The following DIP2C variants were observed in gnomAD, a reference collection of about 807,000 sequenced individuals.
DIP2C encodes DIP2 acetate--CoA ligase C (putative).
In DIP2C, 33 loss-of-function variants were observed where a neutral mutation model predicts 192.4. That is an observed-to-expected ratio of 0.17 (90% confidence interval 0.13 to 0.23). The LOEUF (loss-of-function observed/expected upper bound fraction) is 0.23, where lower values mean the gene tolerates loss of function less well. DIP2C is among the 10% of genes least tolerant of loss of function. The pLI is 1.00. For missense variants in DIP2C, 1,537 were observed against 2,110.1 expected, an observed-to-expected ratio of 0.73 and a Z score of 5.32; for synonymous variants, 979 against 864.1, an observed-to-expected ratio of 1.13 and a Z score of -2.33.
intron 1 of DIP2C, among the ~76,000 whole-genome samples, chr10:679,618 C>G (rs1278699459): frequency 6.8e-6 from 1 of 147,154 alleles, no homozygotes; most frequent in Non-Finnish European, 1.5e-5. Context: ...CCCATCTGTG[C>G]TCCCTATGCC....
intron 1 of DIP2C, among the ~76,000 whole-genome samples, chr10:599,335 TCTC>T (rs1416092570): frequency 6.6e-6 from 1 of 152,132 alleles, no homozygotes; most frequent in Non-Finnish European, 1.5e-5. Context: ...TAAGTGAGTT[TCTC>T]CTATTATCCA....
chr10:294,611 A>G (rs528809319), intron 32 of DIP2C, among the ~76,000 whole-genome samples: 39 of 152,138 alleles, frequency 2.6e-4, no homozygotes, highest in South Asian at 6.2e-4. Flanking sequence ...AAAAAAAAAA[A>G]AGAGAAGAAA....
rs148946157 is a variant in DIP2C, at chr10:400,268, C to CT, written c.1150-1050dup. ...AAACTCCTGGCCTCAAGCGATTCTC[C>CT]TGCCTTGGTCCCCGCAAAGTGTTGG... On this transcript the variant is annotated intron_variant, in intron 9 of 36. Transcript: ENST00000280886. Among the ~76,000 whole-genome samples, 786 of 150,650 alleles carry CT rather than the reference C, an allele frequency of 5.2e-3. 5 individuals carry two copies. The highest frequency in any genetic ancestry group is 0.019 in the African/African-American group (753 of 40,636).
chr10:526,493 TCCG>T (rs1334696628), intron 1 of DIP2C, among the ~76,000 whole-genome samples: 2 of 149,324 alleles, frequency 1.3e-5, no homozygotes, highest in Non-Finnish European at 3.0e-5. Context: ...TGTCACCGTA[TCCG>T]CTGTTTTTCT....
At chr10:425,684 A>G (rs1247843453) in intron 4 of DIP2C, among the ~76,000 whole-genome samples, 1 of 152,236 alleles carries the variant, frequency 6.6e-6, no homozygotes, top group Admixed American at 6.5e-5. Context: ...CAGCATGACC[A>G]GCGGTGACTA....
rs767258769 is a variant in DIP2C, at chr10:341,299, G to A, written c.3484C>T (p.Arg1162Cys). 3 of 1,614,142 alleles carry A rather than the reference G, an allele frequency of 1.9e-6. No individual in the cohort carries two copies. The highest frequency in any genetic ancestry group is 1.7e-5 in the Admixed American group (1 of 60,034). Residue 1162 changes from arginine to cysteine, a missense_variant, in exon 29 of 37, where the codon CGT (arginine) becomes TGT (cysteine). Arg to Cys is a radical substitution (Grantham distance 180, BLOSUM62 -3). Transcript: ENST00000280886. ...AGTTCACACTGCAGCTTAATGGAAC[G>A]GCAGAAGGCACTGGTGGCTGCGTGA... ...MSHAATSAFC[R>C]SIKLQCELYP...
chr10:688,469 T>C lies in DIP2C; in HGVS notation c.85+1025A>G, dbSNP rs374396163. On this transcript the variant is annotated intron_variant, in intron 1 of 36. Coordinates refer to ENST00000280886, the MANE Select transcript of DIP2C (RefSeq NM_014974.3). Reference sequence around the variant, plus strand: ...CGGTGAAAATTGGCACGAATGAGTTTACTTTCTGGCTGCCGGCCCTCACAA... The same window carrying C: ...CGGTGAAAATTGGCACGAATGAGTTCACTTTCTGGCTGCCGGCCCTCACAA... Among the ~76,000 whole-genome samples, 23 of 152,316 alleles carry C rather than the reference T, an allele frequency of 1.5e-4. No homozygotes were observed. The East Asian group carries it at 3.9e-3, about 26-fold the overall frequency.
intron 1 of DIP2C, among the ~76,000 whole-genome samples, chr10:568,754 A>G (rs1253543703): frequency 1.7e-5 from 2 of 117,108 alleles, no homozygotes. Context: ...CGACAGAGGG[A>G]AACTCCGTCT....
chr10:630,595 A>G (rs1025233731), intron 1 of DIP2C: 3 of 152,260 alleles, frequency 2.0e-5, no homozygotes, highest in Admixed American at 6.5e-5. Context: ...ACAGCGGCCA[A>G]CGTCCGTCAC....
intron 3 of DIP2C, among the ~76,000 whole-genome samples, chr10:441,975 G>A (rs1967773046): frequency 6.6e-6 from 1 of 152,046 alleles, no homozygotes; most frequent in Admixed American, 6.6e-5. Flanking sequence ...AGAGACAGAC[G>A]CTGTGGCAAC....
chr10:585,232 G>A (rs1850945361), intron 1 of DIP2C, among the ~76,000 whole-genome samples: 1 of 152,226 alleles, frequency 6.6e-6, no homozygotes, highest in South Asian at 2.1e-4. Flanking sequence ...GTCAGAGCAA[G>A]CGTTCCCCAT....
intron 3 of DIP2C, among the ~76,000 whole-genome samples, chr10:449,871 C>T (rs1401726153): frequency 6.8e-6 from 1 of 147,292 alleles, no homozygotes; most frequent in Non-Finnish European, 1.5e-5. Flanking sequence ...CACATACACA[C>T]ACACAACTAC....
At chr10:400,189 AT>A (rs1964304756) in intron 9 of DIP2C, among the ~76,000 whole-genome samples, 1 of 152,082 alleles carries the variant, frequency 6.6e-6, no homozygotes, top group Non-Finnish European at 1.5e-5. Flanking sequence ...CATGCAGCTA[AT>A]TTTTAAAAAA....
At chr10:337,854 G>T (rs1003396784) in intron 29 of DIP2C, among the ~76,000 whole-genome samples, 3 of 52,068 alleles carry the variant, frequency 5.8e-5, no homozygotes, top group Non-Finnish European at 1.1e-4. Context: ...GGCCTAGGTT[G>T]ATGTGTGTGC....
At chr10:646,070 G>A (rs1456783814) in intron 1 of DIP2C, among the ~76,000 whole-genome samples, 1 of 152,220 alleles carries the variant, frequency 6.6e-6, no homozygotes, top group East Asian at 1.9e-4. Flanking sequence ...TCTGAGAAGA[G>A]CAGGGGCACG....
At chr10:362,368 A>G (rs10904051) in intron 22 of DIP2C, 122 bp downstream of exon 22, 558,770 of 1,154,162 alleles carry the variant, frequency 0.48, 142,570 homozygotes, top group Non-Finnish European at 0.53. Flanking sequence ...TGGGGTAACC[A>G]CTTCTTTCCC....
At position 422,148 on chromosome 10, in the gene DIP2C, C is replaced by T. The variant is rs575071842; in HGVS notation, c.604+676G>A. 3.3e-5 allele frequency among the ~76,000 whole-genome samples: 5 copies of T among 152,330 alleles called. 1 individual carries two copies. In the South Asian group the frequency reaches 8.3e-4, roughly 25 times the overall value. On this transcript the variant is annotated intron_variant, in intron 5 of 36. Coordinates refer to ENST00000280886, the MANE Select transcript of DIP2C (RefSeq NM_014974.3). ...CGTGGTAAGCAGTCGTCTCCGGTTA[C>T]TGCTTTAATGGAGACACACACAAAA...
chr10:675,510 AT>A (rs1355949246), intron 1 of DIP2C, among the ~76,000 whole-genome samples: 1 of 152,070 alleles, frequency 6.6e-6, no homozygotes. Context: ...GAAAAGATAA[AT>A]AAAATAGACA....
chr10:442,603 CTT>C (rs1282488050), intron 3 of DIP2C, among the ~76,000 whole-genome samples: 2 of 152,194 alleles, frequency 1.3e-5, no homozygotes, highest in Non-Finnish European at 2.9e-5. Flanking sequence ...TCCCATATAA[CTT>C]TTACCAGGCT....
Sources: gnomAD v4.1 joint callset for allele counts (sites outside exome capture counted in the v4.1 genomes callset) on GRCh38, gnomAD v4.1.1 for gene constraint, MANE v1.5 for transcripts, NCBI Gene and HGNC (gene_info 2026-07-23, HGNC 2026-07-21) for gene names.